PPFIBP2: variants seen among roughly 807,000 people sequenced by gnomAD.
PPFIBP2 encodes liprin-beta-2.
A neutral mutation model predicts 118.3 loss-of-function variants in PPFIBP2; 118 were observed. The ratio of observed to expected loss-of-function variants is 1.00; its 90% confidence interval spans 0.86 to 1.16. The LOEUF is 1.16. Ranked by LOEUF, PPFIBP2 falls within the 50% of genes most tolerant of loss-of-function variation. PPFIBP2 has a pLI of 0.00. For missense variants in PPFIBP2, 1,195 were observed against 1,073.1 expected (o/e 1.11, Z -1.59); for synonymous variants, 414 against 397.4 (o/e 1.04, Z -0.50).
chr11:7,665,574 C>A, the PPFIBP2 span: 1 of 1,575,180 alleles, frequency 6.3e-7, no homozygotes. Flanking sequence ...CAGGAGCAAG[C>A]TGAGCGATGC....
the PPFIBP2 span, chr11:7,666,122 T>TC: frequency 3.3e-6 from 2 of 615,328 alleles, no homozygotes; most frequent in Admixed American, 2.7e-5. Context: ...GGTGAAGGGG[T>TC]CAGTGCCCAT....
rs574989675 is a variant in PPFIBP2, at chr11:7,628,952, A to C, written c.889-507A>C. The stretch of plus-strand genomic sequence containing the variant: ...ATAGCACAGCCAGCTTTCACACCCA[A>C]GTTTGTCTATGACCTGTGTGGTCTC... On this transcript the variant is annotated intron_variant, in intron 9 of 23. Transcript: ENST00000299492. Among the ~76,000 whole-genome samples the C allele has an allele frequency of 2.0e-5, 3 of 152,218 alleles. No individual in the cohort carries two copies. The South Asian group carries it at 6.2e-4, about 32-fold the overall frequency.
chr11:7,652,180 G>A (rs1260097832), intron 23 of PPFIBP2, among the ~76,000 whole-genome samples: 3 of 152,238 alleles, frequency 2.0e-5, no homozygotes, highest in Admixed American at 6.5e-5. Flanking sequence ...CTTTCCTTCG[G>A]TCAGGCCTGC....
chr11:7,585,836 C>A (rs1858060181), intron 3 of PPFIBP2, among the ~76,000 whole-genome samples: 1 of 151,956 alleles, frequency 6.6e-6, no homozygotes, highest in Non-Finnish European at 1.5e-5. Context: ...CATGTTTAAC[C>A]CAAATTTGAA....
chr11:7,600,915 A>G (rs961999546), intron 5 of PPFIBP2, among the ~76,000 whole-genome samples: 1 of 152,244 alleles, frequency 6.6e-6, no homozygotes, highest in African/African-American at 2.4e-5. Context: ...TGTGAATCAT[A>G]CAGTACATAC....
chr11:7,642,706 C>T (rs1852383397), intron 17 of PPFIBP2, among the ~76,000 whole-genome samples: 1 of 152,180 alleles, frequency 6.6e-6, no homozygotes, highest in Non-Finnish European at 1.5e-5. Context: ...TAACTCTCTT[C>T]AGTTTAGTCA....
intron 2 of PPFIBP2, among the ~76,000 whole-genome samples, chr11:7,550,928 C>T (rs750572095): frequency 4.6e-5 from 7 of 152,146 alleles, no homozygotes; most frequent in Admixed American, 1.3e-4. Context: ...AGTTCTTCAG[C>T]TTTAGGACTC....
chr11:7,645,368 T>G (rs1316286819), intron 17 of PPFIBP2, among the ~76,000 whole-genome samples: 1 of 152,238 alleles, frequency 6.6e-6, no homozygotes, highest in Non-Finnish European at 1.5e-5. Flanking sequence ...CTGTACTCAC[T>G]AATGAACTGT....
Position 7,648,460 on chromosome 11 carries a change from C to T in PPFIBP2, c.1720C>T (p.Gln574Ter), listed in dbSNP as rs777124442. 5 of 1,614,108 alleles carry T rather than the reference C, an allele frequency of 3.1e-6. No homozygotes were observed. Among genetic ancestry groups the T allele is most frequent in the Non-Finnish European group, 4.2e-6 (5 of 1,180,032 alleles). ...ATGGCTGGAGGACTTTGGCCTGGCT[C>T]AGTATGTGATCTTTGCCAGGCAGTG... Reference protein sequence around the residue: ...CAWLEDFGLAQYVIFARQWVS... With the variant: ...CAWLEDFGLA Residue 574 changes from glutamine (Q) to a stop codon, truncating the protein, a stop_gained, in exon 18 of 24, where the codon CAG (glutamine) becomes TAG (stop). Transcript: ENST00000299492. LOFTEE classifies it high-confidence loss of function.
chr11:7,659,614 T>C (rs1156629396), downstream of PPFIBP2, among the ~76,000 whole-genome samples: 5 of 144,556 alleles, frequency 3.5e-5, no homozygotes, highest in Admixed American at 7.0e-5. Flanking sequence ...TGGCTTAGGA[T>C]TGACTTGGCA....
At chr11:7,531,307 G>A (rs2134342194) in intron 1 of PPFIBP2, among the ~76,000 whole-genome samples, 1 of 152,326 alleles carries the variant, frequency 6.6e-6, no homozygotes, top group East Asian at 1.9e-4. Context: ...ACATGCTGGA[G>A]CTTTTGAACT....
At chr11:7,610,589 G>C in intron 6 of PPFIBP2, 167 bp downstream of exon 6, 1 of 1,026,066 alleles carries the variant, frequency 9.7e-7, no homozygotes, top group Non-Finnish European at 1.4e-6. Context: ...TTTTGCTGTG[G>C]CTGCAAATTT....
chr11:7,558,692 G>T (rs960210503), intron 2 of PPFIBP2, among the ~76,000 whole-genome samples: 2 of 151,778 alleles, frequency 1.3e-5, no homozygotes, highest in African/African-American at 4.8e-5. Flanking sequence ...GGAGGCGGAG[G>T]TTGCAGTGAG....
chr11:7,648,427 G>C lies in PPFIBP2; in HGVS notation c.1687G>C (p.Val563Leu). The C allele has an allele frequency of 1.2e-6, 2 of 1,614,178 alleles. No individual in the cohort carries two copies. Among genetic ancestry groups the C allele is most frequent in the East Asian group, 4.5e-5 (2 of 44,876 alleles). Residue 563 changes from valine (V) to leucine (L), a missense_variant, in exon 18 of 24, where the codon GTG becomes CTG. Val to Leu is a conservative substitution (Grantham distance 32). Transcript: ENST00000299492. ...APFAQWSTER[V>L]CAWLEDFGLA... ...CTTTGCCCAGTGGAGCACAGAGCGT[G>C]TGTGTGCATGGCTGGAGGACTTTGG...
At chr11:7,538,763 G>A (rs573319935) in intron 1 of PPFIBP2, among the ~76,000 whole-genome samples, 2 of 152,312 alleles carry the variant, frequency 1.3e-5, no homozygotes, top group African/African-American at 4.8e-5. Context: ...GGTATAGCGG[G>A]AAAAAGACGC....
At chr11:7,605,944 C>T (rs1451831167) in intron 5 of PPFIBP2, 1 of 1,531,390 alleles carries the variant, frequency 6.5e-7, no homozygotes, top group East Asian at 2.5e-5. Flanking sequence ...AATGTGAAGC[C>T]AGAGTGGATA....
rs780114357 is a variant in PPFIBP2 at position 7,625,898 on chromosome 11, A to C, written c.826+7A>C. 2 of 1,610,508 alleles carry C rather than the reference A, an allele frequency of 1.2e-6. No individual in the cohort carries two copies. The highest frequency in any genetic ancestry group is 8.5e-7 in the Non-Finnish European group (1 of 1,176,782). ...GAGAGTCACACAGAGAGAGGTGACT[A>C]GCTTGACTCTGACAAAATGCAGTTG... On this transcript the variant is annotated splice_region_variant and intron_variant, in intron 8 of 23. Coordinates refer to ENST00000299492, the MANE Select transcript of PPFIBP2 (RefSeq NM_003621.5).
intron 17 of PPFIBP2, 51 bp from the exon 18 acceptor site, chr11:7,648,336 G>GA (rs1853429730): frequency 6.4e-7 from 1 of 1,550,708 alleles, no homozygotes. Flanking sequence ...ATTAGATTCA[G>GA]AACCTCAGGC....
At chr11:7,621,201 C>A (rs1282852085) in intron 7 of PPFIBP2, among the ~76,000 whole-genome samples, 174 bp downstream of exon 7, 1 of 152,116 alleles carries the variant, frequency 6.6e-6, no homozygotes. Context: ...CAGGAAAGAT[C>A]CTCATGGAGA....
Sources: gnomAD v4.1 joint callset for allele counts (sites outside exome capture counted in the v4.1 genomes callset) on GRCh38, gnomAD v4.1.1 for gene constraint, MANE v1.5 for transcripts, NCBI Gene and HGNC (gene_info 2026-07-23, HGNC 2026-07-21) for gene names.